Variants in ZNF804B observed in about 807,000 individuals in gnomAD.
ZNF804B encodes zinc finger 804B.
Under a neutral mutation model 101.4 loss-of-function variants are expected in ZNF804B, and 80 were observed. The observed-to-expected ratio is 0.79, with a 90% CI of 0.66 to 0.95. The LOEUF (loss-of-function observed/expected upper bound fraction) is 0.95. Ranked by LOEUF, ZNF804B falls within the 40% of genes least tolerant of loss-of-function variation. ZNF804B has a pLI of 0.00. For missense variants in ZNF804B, 1,673 were observed against 1,561.9 expected (o/e 1.07, Z -1.20); for synonymous variants, 622 against 558.8 (o/e 1.11, Z -1.59).
At chr7:88,975,605 A>G (rs918089371) in intron 1 of ZNF804B, among the ~76,000 whole-genome samples, 1 of 151,562 alleles carries the variant, frequency 6.6e-6, no homozygotes, top group Middle Eastern at 3.4e-3. Flanking sequence ...ATCATTGCCC[A>G]TTCTTAATCA....
At chr7:89,216,581 C>T (rs944713504) in intron 1 of ZNF804B, among the ~76,000 whole-genome samples, 23 of 152,162 alleles carry the variant, frequency 1.5e-4, no homozygotes, top group Non-Finnish European at 2.8e-4. Context: ...CTTACTTTAA[C>T]TCTCTTAGGT....
intron 1 of ZNF804B, among the ~76,000 whole-genome samples, chr7:89,176,591 C>CTTTTTTTTTTT (rs35866405): frequency 6.0e-4 from 43 of 71,916 alleles, no homozygotes; most frequent in East Asian, 1.4e-3. Flanking sequence ...TTCTTTCTTT[C>CTTTTTTTTTTT]TTTTTTTTTT....
chr7:88,822,834 T>C (rs1164358283), intron 1 of ZNF804B, among the ~76,000 whole-genome samples: 1 of 152,218 alleles, frequency 6.6e-6, no homozygotes, highest in Non-Finnish European at 1.5e-5. Flanking sequence ...AGTCCTCTAA[T>C]GAAGCATTTA....
chr7:88,773,301 C>T (rs1288789729), intron 1 of ZNF804B, among the ~76,000 whole-genome samples: 2 of 152,132 alleles, frequency 1.3e-5, no homozygotes, highest in Non-Finnish European at 2.9e-5. Context: ...CAGGAATTAG[C>T]AGTATGTGTA....
chr7:89,087,572 T>C (rs1789823979), intron 1 of ZNF804B, among the ~76,000 whole-genome samples: 1 of 152,010 alleles, frequency 6.6e-6, no homozygotes, highest in South Asian at 2.1e-4. Flanking sequence ...CTTTAAATGA[T>C]TTTTATTCAT....
chr7:88,782,292 C>G (rs1790241119), intron 1 of ZNF804B, among the ~76,000 whole-genome samples: 2 of 151,984 alleles, frequency 1.3e-5, no homozygotes. Context: ...AGAGGAGGGA[C>G]AGGGAGGACA....
intron 1 of ZNF804B, among the ~76,000 whole-genome samples, chr7:88,960,814 A>C (rs1448153993): frequency 6.6e-6 from 1 of 151,376 alleles, no homozygotes; most frequent in Non-Finnish European, 1.5e-5. Context: ...TTTCATCTCC[A>C]TCAGACATGG....
intron 2 of ZNF804B, among the ~76,000 whole-genome samples, chr7:89,268,991 C>G (rs1789842098): frequency 6.6e-6 from 1 of 151,942 alleles, no homozygotes; most frequent in African/African-American, 2.4e-5. Context: ...CATTCAGTGC[C>G]TTGCCTAGAT....
chr7:89,034,613 G>C lies in ZNF804B; in HGVS notation c.109-183542G>C, dbSNP rs559271970. 7.2e-5 allele frequency among the ~76,000 whole-genome samples: 11 copies of C among 152,284 alleles called. No individual in the cohort carries two copies. The South Asian group carries it at 2.3e-3, about 32-fold the overall frequency. On this transcript the variant is annotated intron_variant, in intron 1 of 3. Transcript: ENST00000333190. Reference sequence around the variant, plus strand: ...TTTTATGGTTGCATAGTATTTCATGGTGTATGTGTGCCACATTTTCTTTAT... The same window carrying C: ...TTTTATGGTTGCATAGTATTTCATGCTGTATGTGTGCCACATTTTCTTTAT...
intron 1 of ZNF804B, among the ~76,000 whole-genome samples, chr7:88,796,582 G>A (rs138745443): frequency 6.6e-6 from 1 of 152,030 alleles, no homozygotes; most frequent in Non-Finnish European, 1.5e-5. Context: ...TCCTCTCCTG[G>A]TTTCTATGAT....
At chr7:88,945,600 A>C (rs1053652886) in intron 1 of ZNF804B, among the ~76,000 whole-genome samples, 1 of 147,698 alleles carries the variant, frequency 6.8e-6, no homozygotes, top group African/African-American at 2.5e-5. Context: ...TATGAAATTT[A>C]AAGTAGTTTT....
chr7:89,014,535 T>C (rs1584073078), intron 1 of ZNF804B, among the ~76,000 whole-genome samples: 2 of 152,068 alleles, frequency 1.3e-5, no homozygotes, highest in African/African-American at 4.8e-5. Flanking sequence ...CCAGAATGGT[T>C]TTGATCTCCT....
At chr7:89,313,329 A>T (rs1790671580) in intron 2 of ZNF804B, among the ~76,000 whole-genome samples, 1 of 152,220 alleles carries the variant, frequency 6.6e-6, no homozygotes, top group African/African-American at 2.4e-5. Context: ...CATGGAAATT[A>T]TCCTGGGATC....
In ZNF804B at chr7:89,336,474, A is replaced by G; in HGVS notation, c.3492A>G (p.Gln1164=). 2 of 1,614,096 alleles carry G rather than the reference A, an allele frequency of 1.2e-6. No individual in the cohort carries two copies. Among genetic ancestry groups the G allele is most frequent in the Non-Finnish European group, 1.7e-6 (2 of 1,180,018 alleles). Residue 1164 remains glutamine, a synonymous_variant, in exon 4 of 4, where the codon CAA becomes CAG. Transcript: ENST00000333190. ...EIDKYKILQL[Q]AQQHMQKQLL... is the part of the protein sequence containing the mutation. Reference sequence around the variant, plus strand: ...ATAAATATAAGATCCTACAGCTACAAGCCCAGCAGCATATGCAGAAGCAAC... The same window carrying G: ...ATAAATATAAGATCCTACAGCTACAGGCCCAGCAGCATATGCAGAAGCAAC...
Position 88,759,795 on chromosome 7 carries a change from CG to C in ZNF804B, c.-180del. The C allele has an allele frequency of 1.7e-6, 1 of 600,858 alleles. No individual in the cohort carries two copies. Among genetic ancestry groups the C allele is most frequent in the South Asian group, 1.9e-5 (1 of 51,346 alleles). The allele number at this position is 600,858 out of a possible 1,614,324, so 37.2% of individuals were successfully genotyped here. On this transcript the variant is annotated 5_prime_UTR_variant, in exon 1 of 4. An upstream open reading frame in the 5' UTR loses its in-frame stop. Transcript: ENST00000333190. ...CCGCCTCTGTCAGAGCAGCAGCTGT[CG>C]GCAGCAGGAGCCCCGCACGGGGCGC...
At chr7:88,813,165 C>T (rs1297744103) in intron 1 of ZNF804B, among the ~76,000 whole-genome samples, 2 of 151,972 alleles carry the variant, frequency 1.3e-5, no homozygotes, top group African/African-American at 2.4e-5. Context: ...AATTCTCTCA[C>T]GCCTATAATA....
At chr7:88,770,214 T>A (rs1474871267) in intron 1 of ZNF804B, among the ~76,000 whole-genome samples, 1 of 152,110 alleles carries the variant, frequency 6.6e-6, no homozygotes, top group East Asian at 1.9e-4. Context: ...ACAAATCCAA[T>A]ATCTTACATG....
chr7:88,814,447 AACACACAC>A lies in ZNF804B; in HGVS notation c.108+54401_108+54408del, dbSNP rs66471769. ...AATCACTGTCTCTTACCTCCCTTCA[AACACACAC>A]ACACACACACACACACACACACACA... On this transcript the variant is annotated intron_variant, in intron 1 of 3. Coordinates refer to ENST00000333190, the MANE Select transcript of ZNF804B (RefSeq NM_181646.5). 3.7e-3 allele frequency among the ~76,000 whole-genome samples: 530 copies of A among 141,378 alleles called. 3 individuals carry two copies. Among genetic ancestry groups the A allele is most frequent in the African/African-American group, 0.011 (446 of 39,012 alleles). The allele number at this position is 141,378 out of a possible 152,430, so 92.7% of individuals were successfully genotyped here.
chr7:89,285,023 A>G (rs372790869), intron 2 of ZNF804B, among the ~76,000 whole-genome samples: 2 of 151,730 alleles, frequency 1.3e-5, no homozygotes, highest in Non-Finnish European at 2.9e-5. Context: ...ATGTAGTGAG[A>G]CCCTGTCTCC....
Sources: allele counts gnomAD v4.1 joint callset (sites outside exome capture counted in the v4.1 genomes callset), GRCh38; gene constraint gnomAD v4.1.1; transcripts MANE v1.5; gene names NCBI Gene and HGNC (gene_info 2026-07-23, HGNC 2026-07-21).